Variants in PCDHA10 observed in about 807,000 individuals in gnomAD.
PCDHA10 encodes the protein protocadherin alpha 10, also known as protocadherin alpha-10.
In PCDHA10, 45 loss-of-function variants were observed where a neutral mutation model predicts 61.2. The ratio of observed to expected loss-of-function variants is 0.74; its 90% CI spans 0.58 to 0.94. PCDHA10 has a LOEUF of 0.94. Ranked by LOEUF, PCDHA10 falls within the 40% of genes least tolerant of loss-of-function variation. The probability of loss-of-function intolerance (pLI) is 0.00; values close to 1 mark genes in which losing one functional copy is unlikely to be tolerated. For missense variants in PCDHA10, 1,278 were observed against 1,236.2 expected, an observed-to-expected ratio of 1.03 and a Z score of -0.51; for synonymous variants, 602 against 548.8, an observed-to-expected ratio of 1.10 and a Z score of -1.35.
intron 1 of PCDHA10, chr5:140,871,274 C>T (rs1554165360): frequency 6.2e-7 from 1 of 1,613,824 alleles, no homozygotes; most frequent in East Asian, 2.2e-5. Flanking sequence ...TGGTGGTCGG[C>T]AACGCCCACT....
At chr5:140,929,015 A>C (rs1563111690) in intron 1 of PCDHA10, 3 of 1,614,016 alleles carry the variant, frequency 1.9e-6, no homozygotes, top group African/African-American at 1.3e-5. Flanking sequence ...ACCAAGTTGC[A>C]CCAGAGCCCA....
chr5:141,010,373 G>A lies in PCDHA10; in HGVS notation c.*436G>A, dbSNP rs1554262916. 6.8e-7 allele frequency: 1 copy of A among 1,463,988 alleles called. No homozygotes were observed. Among genetic ancestry groups the A allele is most frequent in the Admixed American group, 2.4e-5 (1 of 41,618 alleles). The allele number at this position is 1,463,988 out of a possible 1,614,324, so 90.7% of individuals were successfully genotyped here. ...GTGTGGCTACCGCGGGTATGCGAGT[G>A]CCAGATATTGGCTGAGACGAGCCAG... On this transcript the variant is annotated 3_prime_UTR_variant, in exon 4 of 4. Coordinates refer to ENST00000307360, the MANE Select transcript of PCDHA10 (RefSeq NM_018901.4).
At chr5:140,863,193 G>A (rs1271562908) in intron 1 of PCDHA10, 15 of 840,280 alleles carry the variant, frequency 1.8e-5, no homozygotes, top group Non-Finnish European at 2.3e-5. Context: ...CCGTGGTGGC[G>A]TCGCTGGCGG....
intron 1 of PCDHA10, chr5:140,859,356 A>T (rs1159666697): frequency 4.0e-6 from 1 of 251,742 alleles, no homozygotes; most frequent in African/African-American, 2.3e-5. Context: ...TACTGATCTG[A>T]TATATTGTAT....
chr5:140,949,924 AT>A (rs144693243), intron 1 of PCDHA10, among the ~76,000 whole-genome samples: 8,382 of 151,404 alleles, frequency 0.055, 277 homozygotes, highest in Non-Finnish European at 0.077. Context: ...CTATTTTTAG[AT>A]TTTTTTTAAT....
intron 1 of PCDHA10, chr5:140,861,198 G>A: frequency 6.1e-6 from 1 of 162,948 alleles, no homozygotes; most frequent in Non-Finnish European, 1.3e-5. Context: ...ATGAAATATT[G>A]TTTTACTAAC....
intron 1 of PCDHA10, among the ~76,000 whole-genome samples, chr5:140,975,382 A>G (rs1219046015): frequency 1.3e-5 from 2 of 152,258 alleles, no homozygotes; most frequent in African/African-American, 4.8e-5. Flanking sequence ...AATCATGGGA[A>G]TAAGATCCAT....
chr5:141,008,670 A>G (rs1375302412), intron 3 of PCDHA10, among the ~76,000 whole-genome samples: 1 of 152,218 alleles, frequency 6.6e-6, no homozygotes, highest in Non-Finnish European at 1.5e-5. Flanking sequence ...TACTTTACAT[A>G]TACTTTAGTT....
chr5:140,887,526 C>G (rs914597781), intron 1 of PCDHA10, among the ~76,000 whole-genome samples: 10 of 152,086 alleles, frequency 6.6e-5, no homozygotes, highest in Admixed American at 1.3e-4. Flanking sequence ...ATATATGAGT[C>G]TTCCTCTCCC....
intron 2 of PCDHA10, among the ~76,000 whole-genome samples, chr5:140,980,367 C>A (rs1245361324): frequency 2.6e-5 from 4 of 152,174 alleles, no homozygotes; most frequent in Non-Finnish European, 5.9e-5. Flanking sequence ...CGCGGTGGCT[C>A]ACACCTGTAA....
At chr5:140,994,789 G>A (rs901197365) in intron 3 of PCDHA10, among the ~76,000 whole-genome samples, 8 of 152,260 alleles carry the variant, frequency 5.3e-5, no homozygotes, top group South Asian at 4.1e-4. Flanking sequence ...GAAACAATGC[G>A]TGCATGCAAA....
At position 140,990,539 on chromosome 5, in the gene PCDHA10, A is replaced by G. The variant is rs2097398985; in HGVS notation, c.2536+7976A>G. ...TGTCTTTTTTGACTGTGCATCATAG[A>G]TACTGTATTACCCAAGAACACACAC... is the stretch of plus-strand genomic sequence containing the variant. On this transcript the variant is annotated intron_variant, in intron 3 of 3. Transcript: ENST00000307360. Among the ~76,000 whole-genome samples the G allele has an allele frequency of 2.6e-5, 4 of 152,262 alleles. No homozygotes were observed. In the South Asian group the frequency reaches 6.2e-4, roughly 24 times the overall value.
intron 3 of PCDHA10, among the ~76,000 whole-genome samples, chr5:141,007,302 G>A (rs1211833053): frequency 6.7e-6 from 1 of 150,298 alleles, no homozygotes; most frequent in Non-Finnish European, 1.5e-5. Context: ...TGTAATCTTA[G>A]CATTTTGGGA....
intron 3 of PCDHA10, among the ~76,000 whole-genome samples, chr5:140,996,427 G>A (rs1479947811): frequency 6.6e-6 from 1 of 152,176 alleles, no homozygotes; most frequent in Non-Finnish European, 1.5e-5. Context: ...GAAAACTTTG[G>A]GAATAGTCAG....
chr5:140,969,049 C>A, intron 1 of PCDHA10: 1 of 1,614,142 alleles, frequency 6.2e-7, no homozygotes, highest in Non-Finnish European at 8.5e-7. Context: ...AACAAGCCAA[C>A]AACAATATTG....
chr5:140,856,072 G>A lies in PCDHA10; in HGVS notation c.24G>A (p.Leu8=). 1 of 1,592,122 alleles carries A rather than the reference G, an allele frequency of 6.3e-7. No homozygotes were observed. The highest frequency in any genetic ancestry group is 8.6e-7 in the Non-Finnish European group (1 of 1,163,786). ...AGATGGTTTCCAGATGTAGCTGCCT[G>A]GGGGTCCAGTGTCTGCTGCTCTCGC... MVSRCSC[L]GVQCLLLSLL... Residue 8 remains leucine (L), a synonymous_variant, in exon 1 of 4, where the codon CTG becomes CTA. Coordinates refer to ENST00000307360, the MANE Select transcript of PCDHA10 (RefSeq NM_018901.4).
chr5:140,988,866 C>T (rs1364853349), intron 3 of PCDHA10: 2 of 152,170 alleles, frequency 1.3e-5, no homozygotes, highest in Non-Finnish European at 2.9e-5. Context: ...CTCATGTGCA[C>T]TCAGATGTAC....
rs2082774108 is a variant in PCDHA10 at position 140,868,572 on chromosome 5, C to T, written c.2388+10136C>T. 4 of 152,854 alleles carry T rather than the reference C, an allele frequency of 2.6e-5. No individual in the cohort carries two copies. In the South Asian group the frequency reaches 6.2e-4, roughly 24 times the overall value. 9.5% of individuals were successfully genotyped at this position (152,854 alleles called of 1,614,324 possible). ...TAGTATTTTTATATGAGGAACAACA[C>T]TTTCAGGAAATGTTTAACCCTAGTT... On this transcript the variant is annotated intron_variant, in intron 1 of 3. Coordinates refer to ENST00000307360, the MANE Select transcript of PCDHA10 (RefSeq NM_018901.4).
intron 1 of PCDHA10, among the ~76,000 whole-genome samples, chr5:140,909,201 C>T (rs1379290108): frequency 2.0e-5 from 3 of 152,136 alleles, no homozygotes; most frequent in South Asian, 2.1e-4. Context: ...GACACAAAGC[C>T]GGAGAGTTGA....
Sources: gnomAD v4.1 joint callset for allele counts (sites outside exome capture counted in the v4.1 genomes callset) on GRCh38, gnomAD v4.1.1 for gene constraint, MANE v1.5 for transcripts, NCBI Gene and HGNC (gene_info 2026-07-23, HGNC 2026-07-21) for gene names.